FGF12: variants seen among roughly 807,000 people sequenced by gnomAD.
FGF12 encodes the protein fibroblast growth factor 12B.
Under a neutral mutation model 23.6 loss-of-function variants are expected in FGF12, and 14 were observed. The observed-to-expected ratio is 0.59, with a 90% CI of 0.39 to 0.93. The LOEUF is 0.93. Among genes scored for constraint, FGF12 ranks in the 40% least tolerant of loss-of-function variants. The pLI is 0.00. For synonymous variants in FGF12, 62 were observed against 77.3 expected (o/e 0.80, Z 1.04); for missense variants, 175 against 217.8 (o/e 0.80, Z 1.24).
At chr3:192,280,058 T>C (rs1271442387) in intron 4 of FGF12, among the ~76,000 whole-genome samples, 1 of 152,212 alleles carries the variant, frequency 6.6e-6, no homozygotes, top group Non-Finnish European at 1.5e-5. Flanking sequence ...TTATAACATG[T>C]CAACTGGATG....
chr3:192,646,005 AAAGCCTG>A (rs1197305291), intron 2 of FGF12, among the ~76,000 whole-genome samples: 4 of 152,088 alleles, frequency 2.6e-5, no homozygotes, highest in Non-Finnish European at 5.9e-5. Flanking sequence ...AACTGAAACG[AAAGCCTG>A]ATAAAGGGTT....
chr3:192,686,978 G>A lies in FGF12; in HGVS notation c.13+40203C>T, dbSNP rs1277631340. ...CGAGTAGCTGGGACTACAGGCACCC[G>A]CCACCACAACTGGATAATTTTTTTG... On this transcript the variant is annotated intron_variant, in intron 2 of 5. Transcript: ENST00000445105. Among the ~76,000 whole-genome samples the A allele has an allele frequency of 4.6e-5, 7 of 150,688 alleles. No individual in the cohort carries two copies. In the South Asian group the frequency reaches 8.4e-4, roughly 18 times the overall value.
intron 4 of FGF12, among the ~76,000 whole-genome samples, chr3:192,215,007 C>A (rs9883097): frequency 0.025 from 3,780 of 152,268 alleles, 64 homozygotes; most frequent in Middle Eastern, 0.058. Context: ...CTTAAGAGAG[C>A]TGCCTTACAA....
chr3:192,695,892 A>G (rs909593121), intron 2 of FGF12, among the ~76,000 whole-genome samples: 1 of 152,174 alleles, frequency 6.6e-6, no homozygotes, highest in East Asian at 1.9e-4. Context: ...TAAGGTCAGA[A>G]GTTCAAGACC....
chr3:192,617,653 A>G (rs1714813024), intron 2 of FGF12, among the ~76,000 whole-genome samples: 1 of 152,134 alleles, frequency 6.6e-6, no homozygotes, highest in Non-Finnish European at 1.5e-5. Context: ...TGCTGATCCA[A>G]TTCAGTGGGT....
chr3:192,178,232 C>T (rs1715966178), intron 4 of FGF12, among the ~76,000 whole-genome samples: 1 of 151,938 alleles, frequency 6.6e-6, no homozygotes, highest in Admixed American at 6.6e-5. Flanking sequence ...ATATTAAATA[C>T]ATAATGTATT....
intron 2 of FGF12, among the ~76,000 whole-genome samples, chr3:192,382,446 C>T (rs908751890): frequency 1.3e-5 from 2 of 152,098 alleles, no homozygotes; most frequent in Non-Finnish European, 2.9e-5. Flanking sequence ...ACAAATGTAG[C>T]CTTTGATTTT....
intron 2 of FGF12, among the ~76,000 whole-genome samples, chr3:192,481,358 A>G (rs1723474086): frequency 6.6e-6 from 1 of 152,206 alleles, no homozygotes; most frequent in African/African-American, 2.4e-5. Context: ...GTCCTGATGT[A>G]TACTGGACCC....
intron 2 of FGF12, among the ~76,000 whole-genome samples, chr3:192,597,331 AG>A (rs1398133169): frequency 6.6e-6 from 1 of 152,208 alleles, no homozygotes; most frequent in Non-Finnish European, 1.5e-5. Flanking sequence ...AAGCAAATAT[AG>A]GCATATTATT....
chr3:192,556,942 G>A (rs1012888424), intron 2 of FGF12, among the ~76,000 whole-genome samples: 1 of 151,858 alleles, frequency 6.6e-6, no homozygotes. Context: ...ACACACCCTT[G>A]AATGATAAAC....
At chr3:192,385,585 C>T (rs1720006389) in intron 2 of FGF12, among the ~76,000 whole-genome samples, 1 of 152,148 alleles carries the variant, frequency 6.6e-6, no homozygotes, top group African/African-American at 2.4e-5. Context: ...GTTCAGACCT[C>T]TTCTCTTCCC....
intron 2 of FGF12, among the ~76,000 whole-genome samples, chr3:192,587,510 A>T (rs1713421383): frequency 6.6e-6 from 1 of 151,932 alleles, no homozygotes; most frequent in Non-Finnish European, 1.5e-5. Context: ...TTCATGCCGA[A>T]AATCAACTCA....
chr3:192,289,569 G>A (rs1714647252), intron 4 of FGF12, among the ~76,000 whole-genome samples: 1 of 152,166 alleles, frequency 6.6e-6, no homozygotes, highest in Non-Finnish European at 1.5e-5. Context: ...GCTGGGTACT[G>A]CACAGACCTG....
intron 2 of FGF12, among the ~76,000 whole-genome samples, chr3:192,612,195 T>C (rs1714573923): frequency 6.6e-6 from 1 of 152,064 alleles, no homozygotes; most frequent in South Asian, 2.1e-4. Flanking sequence ...TTATAGTGAC[T>C]GGATGAAGTA....
At chr3:192,449,807 G>A (rs532911831) in intron 2 of FGF12, among the ~76,000 whole-genome samples, 1 of 152,260 alleles carries the variant, frequency 6.6e-6, no homozygotes, top group East Asian at 1.9e-4. Flanking sequence ...AATCAGCCAT[G>A]GGCATGCCCT....
chr3:192,468,470 A>T (rs949713430), intron 2 of FGF12, among the ~76,000 whole-genome samples: 1 of 152,202 alleles, frequency 6.6e-6, no homozygotes, highest in African/African-American at 2.4e-5. Flanking sequence ...CTTCTGCAGT[A>T]TACTGATGGG....
chr3:192,304,983 CATAAAA>C (rs1305991237), intron 4 of FGF12, among the ~76,000 whole-genome samples: 1 of 151,122 alleles, frequency 6.6e-6, no homozygotes, highest in African/African-American at 2.4e-5. Context: ...AAGAAATACT[CATAAAA>C]ACAAAAAAGA....
intron 2 of FGF12, among the ~76,000 whole-genome samples, chr3:192,712,997 C>T (rs1430838265): frequency 6.6e-6 from 1 of 152,084 alleles, no homozygotes; most frequent in Non-Finnish European, 1.5e-5. Flanking sequence ...ATTCAGATAA[C>T]TGGCAGGGAC....
chr3:192,399,160 ATG>A (rs1720654148), intron 2 of FGF12, among the ~76,000 whole-genome samples: 2 of 152,086 alleles, frequency 1.3e-5, no homozygotes, highest in South Asian at 4.2e-4. Flanking sequence ...CAGAACGTTT[ATG>A]TGTCCCTCCC....
Sources: gnomAD v4.1 joint callset for allele counts (sites outside exome capture counted in the v4.1 genomes callset) on GRCh38, gnomAD v4.1.1 for gene constraint, MANE v1.5 for transcripts, NCBI Gene and HGNC (gene_info 2026-07-23, HGNC 2026-07-21) for gene names.